COL4A5: variants seen among roughly 807,000 people sequenced by gnomAD.
COL4A5 encodes the protein collagen alpha-5(IV) chain.
COL4A5 carries 26 observed loss-of-function variants against 130.2 expected under a neutral mutation model. That is an observed-to-expected ratio of 0.20 (90% CI 0.15 to 0.28). The LOEUF is 0.28. Among genes scored for constraint, COL4A5 ranks in the 10% least tolerant of loss-of-function variants. COL4A5 has a pLI of 1.00. For missense variants in COL4A5, 1,131 were observed against 1,344.3 expected (o/e 0.84, Z 2.48); for synonymous variants, 496 against 439.6 (o/e 1.13, Z -1.60).
chrX:108,567,055 T>C (rs777767354), intron 4 of COL4A5, among the ~76,000 whole-genome samples: 32 of 111,960 alleles, frequency 2.9e-4, no homozygotes, highest in Non-Finnish European at 4.1e-4. Context: ...AATATGCCTA[T>C]TTCCTACAAT....
intron 37 of COL4A5, among the ~76,000 whole-genome samples, chrX:108,664,180 A>G (rs1320528326): frequency 2.7e-5 from 3 of 112,019 alleles, no homozygotes; most frequent in Non-Finnish European, 5.6e-5. Context: ...GTGAGACTCC[A>G]TTACAAAAAG....
intron 24 of COL4A5, 139 bp downstream of exon 24, chrX:108,597,707 G>A: frequency 1.8e-6 from 1 of 563,072 alleles, no homozygotes; most frequent in Non-Finnish European, 3.0e-6. Flanking sequence ...TACAGTAATG[G>A]CACATTGTTA....
At chrX:108,563,845 T>C in intron 3 of COL4A5, 37 bp from the exon 4 acceptor site, 1 of 1,174,713 alleles carries the variant, frequency 8.5e-7, no homozygotes. Context: ...GAGGACTTTT[T>C]TGACGGACAA....
intron 10 of COL4A5, among the ~76,000 whole-genome samples, chrX:108,577,611 G>A (rs1438133032): frequency 9.0e-6 from 1 of 111,123 alleles, no homozygotes; most frequent in East Asian, 2.8e-4. Flanking sequence ...AGAGTTAATT[G>A]CTTTATGGTA....
intron 2 of COL4A5, among the ~76,000 whole-genome samples, chrX:108,549,937 GA>G (rs1299463128): frequency 9.0e-6 from 1 of 111,084 alleles, no homozygotes; most frequent in African/African-American, 3.3e-5. Context: ...AATTCCTTAA[GA>G]AACATACATT....
At chrX:108,620,140 C>G (rs904391819) in intron 30 of COL4A5, 119 bp from the exon 31 acceptor site, 2 of 590,370 alleles carry the variant, frequency 3.4e-6, no homozygotes, top group Middle Eastern at 5.1e-4. Flanking sequence ...AAAAGTATCT[C>G]TAACTCACTC....
intron 1 of COL4A5, among the ~76,000 whole-genome samples, chrX:108,527,883 A>G (rs2065342354): frequency 9.0e-6 from 1 of 111,726 alleles, no homozygotes; most frequent in Non-Finnish European, 1.9e-5. Flanking sequence ...ACATGGGCCT[A>G]CCCAGCCCAT....
At chrX:108,461,608 GT>G (rs1039943738) in intron 1 of COL4A5, among the ~76,000 whole-genome samples, 1 of 108,192 alleles carries the variant, frequency 9.2e-6, no homozygotes. Context: ...AAAGTTTTTT[GT>G]TTTTTTTTGA....
At chrX:108,477,544 T>C (rs1025562843) in intron 1 of COL4A5, among the ~76,000 whole-genome samples, 1 of 111,258 alleles carries the variant, frequency 9.0e-6, no homozygotes, top group African/African-American at 3.3e-5. Flanking sequence ...CCGGGCGCGG[T>C]GGCTCATGCC....
At position 108,598,732 on chromosome X, in the gene COL4A5, C is replaced by T; in HGVS notation, c.1810C>T (p.Pro604Ser). Residue 604 changes from proline (P) to serine (S), a missense_variant, in exon 25 of 53, where the codon CCC (proline) becomes TCC (serine). Transcript: ENST00000328300. ...GGITFKGERG[P>S]PGNPGLPGLP... The stretch of plus-strand genomic sequence containing the variant: ...AATTACTTTTAAGGGTGAAAGAGGT[C>T]CCCCTGGGAACCCAGGTTTACCAGG... 1 of 1,210,456 alleles carries T rather than the reference C, an allele frequency of 8.3e-7. No homozygotes were observed. Among genetic ancestry groups the T allele is most frequent in the Non-Finnish European group, 1.1e-6 (1 of 894,777 alleles).
chrX:108,626,941 G>A, intron 36 of COL4A5: 4 of 752,079 alleles, frequency 5.3e-6, no homozygotes, highest in Non-Finnish European at 6.3e-6. Context: ...CCTTAATCAT[G>A]TAGTCAGACC....
chrX:108,592,553 C>G (rs2066453179), intron 21 of COL4A5, among the ~76,000 whole-genome samples: 1 of 110,905 alleles, frequency 9.0e-6, no homozygotes, highest in South Asian at 3.8e-4. Context: ...TAAACATACT[C>G]CAATCAAGAT....
At chrX:108,583,802 C>T (rs1169802096) in intron 17 of COL4A5, among the ~76,000 whole-genome samples, 4 of 110,468 alleles carry the variant, frequency 3.6e-5, no homozygotes, top group African/African-American at 1.3e-4. Context: ...TGAAAAAGAC[C>T]ATCCTTGTGT....
intron 43 of COL4A5, among the ~76,000 whole-genome samples, chrX:108,676,677 T>A (rs1165849285): frequency 8.9e-6 from 1 of 112,250 alleles, no homozygotes; most frequent in Admixed American, 9.5e-5. Context: ...TTTAAAAAAA[T>A]TCCTATGTAT....
At chrX:108,473,633 A>ATATATATTTATATATTTT in intron 1 of COL4A5, among the ~76,000 whole-genome samples, 1 of 34,567 alleles carries the variant, frequency 2.9e-5, no homozygotes, top group Non-Finnish European at 6.0e-5. Flanking sequence ...ATATATATAT[A>ATATATATTTATATATTTT]TTTTTTTTTT....
chrX:108,523,472 C>T (rs1434307203), intron 1 of COL4A5, among the ~76,000 whole-genome samples: 1 of 112,098 alleles, frequency 8.9e-6, no homozygotes, highest in African/African-American at 3.2e-5. Flanking sequence ...TTGCCAGTAC[C>T]ACACTGGTTT....
chrX:108,536,970 T>C (rs1170543225), intron 1 of COL4A5, among the ~76,000 whole-genome samples: 1 of 111,266 alleles, frequency 9.0e-6, no homozygotes, highest in Non-Finnish European at 1.9e-5. Flanking sequence ...GTCCTGAAAA[T>C]ACCCAGTTAC....
chrX:108,563,625 AACTGT>A (rs1412687783), intron 3 of COL4A5, among the ~76,000 whole-genome samples: 2 of 111,592 alleles, frequency 1.8e-5, no homozygotes, highest in African/African-American at 6.5e-5. Flanking sequence ...ATTCATAATT[AACTGT>A]ACAGGTATAG....
At chrX:108,679,059 G>A (rs999157874) in intron 44 of COL4A5, among the ~76,000 whole-genome samples, 2 of 111,959 alleles carry the variant, frequency 1.8e-5, no homozygotes, top group African/African-American at 6.5e-5. Context: ...TACTACATGA[G>A]TGGTTCTGTG....
Sources: allele counts gnomAD v4.1 joint callset (sites outside exome capture counted in the v4.1 genomes callset), GRCh38; gene constraint gnomAD v4.1.1; transcripts MANE v1.5; gene names NCBI Gene and HGNC (gene_info 2026-07-23, HGNC 2026-07-21).